The following PNPLA3 variants were observed in gnomAD, a reference collection of about 807,000 sequenced individuals.
PNPLA3 encodes patatin like domain 3, 1-acylglycerol-3-phosphate O-acyltransferase.
A neutral mutation model predicts 43.1 loss-of-function variants in PNPLA3; 42 were observed. The ratio of observed to expected loss-of-function variants is 0.97; its 90% CI spans 0.76 to 1.26. PNPLA3 has a LOEUF of 1.26. Ranked by LOEUF, PNPLA3 falls within the 50% of genes most tolerant of loss-of-function variation. The pLI is 0.00. For synonymous variants in PNPLA3, 272 were observed against 253.6 expected (o/e 1.07, Z -0.69); for missense variants, 647 against 621.4 (o/e 1.04, Z -0.44).
intron 2 of PNPLA3, among the ~76,000 whole-genome samples, 188 bp from the exon 3 acceptor site, chr22:43,928,636 G>T (rs1389254240): frequency 6.6e-6 from 1 of 150,494 alleles, no homozygotes; most frequent in Non-Finnish European, 1.5e-5. Context: ...TGCAATAGAT[G>T]AGACCCATGG....
chr22:43,934,414 C>T (rs965356223), intron 4 of PNPLA3, among the ~76,000 whole-genome samples, 192 bp from the exon 5 acceptor site: 1 of 152,048 alleles, frequency 6.6e-6, no homozygotes, highest in Non-Finnish European at 1.5e-5. Flanking sequence ...GACATTCAAG[C>T]CGAGACCTCC....
chr22:43,924,250 G>A, intron 1 of PNPLA3, 152 bp downstream of exon 1: 1 of 922,762 alleles, frequency 1.1e-6, no homozygotes, highest in Non-Finnish European at 1.5e-6. Flanking sequence ...CTCCGAGGCA[G>A]ATGCTTCCTG....
intron 2 of PNPLA3, among the ~76,000 whole-genome samples, chr22:43,927,664 T>TG (rs1330278194): frequency 3.0e-4 from 7 of 23,538 alleles, no homozygotes; most frequent in East Asian, 1.9e-3. Context: ...TTTTTTTGGG[T>TG]GGGGGGGCGG....
intron 7 of PNPLA3, among the ~76,000 whole-genome samples, chr22:43,943,990 G>C (rs960808955): frequency 3.3e-5 from 5 of 151,954 alleles, no homozygotes; most frequent in African/African-American, 1.2e-4. Context: ...GGTTTGGCAT[G>C]TTGGCCAGCC....
chr22:43,933,069 T>C lies in PNPLA3; in HGVS notation c.678T>C (p.Phe226=). The C allele has an allele frequency of 1.2e-6, 2 of 1,613,818 alleles. No homozygotes were observed. Among genetic ancestry groups the C allele is most frequent in the Non-Finnish European group, 1.7e-6 (2 of 1,180,016 alleles). ...TGNLYLLSRA[F]VPPDLKVLGE... ...ACCTCTACCTTCTCTCGAGAGCTTT[T>C]GTCCCCCCGGATCTCAAGGTGAGTT... Residue 226 remains phenylalanine (F), a synonymous_variant, in exon 4 of 9, where the codon TTT becomes TTC. Transcript: ENST00000216180.
At chr22:43,938,949 A>G (rs2050013683) in intron 6 of PNPLA3, among the ~76,000 whole-genome samples, 1 of 152,138 alleles carries the variant, frequency 6.6e-6, no homozygotes, top group Non-Finnish European at 1.5e-5. Context: ...TTTGAGACAG[A>G]GTCTCACTCT....
At chr22:43,934,546 C>T (rs1372932757) in intron 4 of PNPLA3, 60 bp from the exon 5 acceptor site, 1 of 1,503,086 alleles carries the variant, frequency 6.7e-7, no homozygotes, top group African/African-American at 1.4e-5. Context: ...TCCAATGATG[C>T]TGAAATAAAT....
chr22:43,925,088 C>T (rs747327838), intron 1 of PNPLA3, among the ~76,000 whole-genome samples: 1 of 151,766 alleles, frequency 6.6e-6, no homozygotes, highest in African/African-American at 2.4e-5. Context: ...GTTTCCTCCT[C>T]CTCCTCCTCC....
chr22:43,938,676 G>A (rs1018633640), intron 6 of PNPLA3, among the ~76,000 whole-genome samples: 16 of 152,342 alleles, frequency 1.1e-4, no homozygotes, highest in Admixed American at 7.8e-4. Flanking sequence ...ATCAGGCTCC[G>A]CCTCCAACAC....
chr22:43,932,712 T>C (rs1296494295), intron 3 of PNPLA3, among the ~76,000 whole-genome samples, 166 bp from the exon 4 acceptor site: 1 of 152,150 alleles, frequency 6.6e-6, no homozygotes, highest in Non-Finnish European at 1.5e-5. Context: ...ACCGGAATGC[T>C]CGGTAAGGAT....
chr22:43,939,860 G>C, intron 6 of PNPLA3, 133 bp from the exon 7 acceptor site: 1 of 1,260,482 alleles, frequency 7.9e-7, no homozygotes, highest in Non-Finnish European at 1.1e-6. Context: ...CCACCTTGTC[G>C]CTTTTGTGAG....
intron 7 of PNPLA3, among the ~76,000 whole-genome samples, chr22:43,943,948 C>T (rs544809236): frequency 2.6e-5 from 4 of 152,146 alleles, no homozygotes; most frequent in African/African-American, 9.7e-5. Context: ...GCCACCACAC[C>T]TGGCTAATTT....
intron 6 of PNPLA3, 91 bp from the exon 7 acceptor site, chr22:43,939,902 G>A (rs766362283): frequency 3.5e-5 from 55 of 1,583,684 alleles, no homozygotes; most frequent in African/African-American, 4.0e-5. Context: ...CAGGACGGGC[G>A]TATTTTATGG....
chr22:43,937,445 C>T (rs1456957797), intron 6 of PNPLA3, among the ~76,000 whole-genome samples, 173 bp downstream of exon 6: 1 of 152,192 alleles, frequency 6.6e-6, no homozygotes, highest in Admixed American at 6.5e-5. Flanking sequence ...CCCAGCACAG[C>T]CCCCAACCCC....
intron 1 of PNPLA3, among the ~76,000 whole-genome samples, chr22:43,924,982 G>T (rs890811153): frequency 7.9e-5 from 12 of 152,048 alleles, no homozygotes; most frequent in Admixed American, 2.0e-4. Flanking sequence ...CAGCCTTCTG[G>T]GGGCTGGGTA....
Position 43,923,948 on chromosome 22 carries a change from G to T in PNPLA3, c.37G>T (p.Ala13Ser), listed in dbSNP as rs2049903222. The change falls in exon 1 of 9, where the codon GCG becomes TCG. Residue 13 changes from alanine (A) to serine (S), a missense_variant. Transcript: ENST00000216180. ...AGAGCGCGGCTGGAGCTTGTCCTTC[G>T]CGGGCTGCGGCTTCCTGGGCTTCTA... The part of the protein sequence containing the change: ...DAERGWSLSF[A>S]GCGFLGFYHV... The T allele has an allele frequency of 1.3e-6, 2 of 1,580,938 alleles. No individual in the cohort carries two copies. Among genetic ancestry groups the T allele is most frequent in the Non-Finnish European group, 1.7e-6 (2 of 1,172,086 alleles).
At chr22:43,937,705 C>T (rs531243049) in intron 6 of PNPLA3, among the ~76,000 whole-genome samples, 22 of 152,228 alleles carry the variant, frequency 1.4e-4, no homozygotes, top group Admixed American at 5.2e-4. Flanking sequence ...CCTTTTCAGC[C>T]GCCTCCCTCC....
chr22:43,942,145 A>T (rs2050034843), intron 7 of PNPLA3, among the ~76,000 whole-genome samples: 1 of 152,152 alleles, frequency 6.6e-6, no homozygotes, highest in Admixed American at 6.6e-5. Flanking sequence ...TGGTCTTGCC[A>T]TTTGTCCCTG....
At chr22:43,927,681 G>T (rs1265410854) in intron 2 of PNPLA3, among the ~76,000 whole-genome samples, 1 of 151,782 alleles carries the variant, frequency 6.6e-6, no homozygotes, top group Non-Finnish European at 1.5e-5. Flanking sequence ...GCGGGGTACA[G>T]AGTCTTGCTC....
Sources: allele counts gnomAD v4.1 joint callset (sites outside exome capture counted in the v4.1 genomes callset), GRCh38; gene constraint gnomAD v4.1.1; transcripts MANE v1.5; gene names NCBI Gene and HGNC (gene_info 2026-07-23, HGNC 2026-07-21).